EXOC4: variants seen among roughly 807,000 people sequenced by gnomAD.
EXOC4 encodes the protein exocyst complex component 4.
A neutral mutation model predicts 107.2 loss-of-function variants in EXOC4; 71 were observed. The ratio of observed to expected loss-of-function variants is 0.66; its 90% CI spans 0.55 to 0.81. The LOEUF (loss-of-function observed/expected upper bound fraction) is 0.81, where lower values mean the gene tolerates loss of function less well. EXOC4 is among the 30% of genes least tolerant of loss of function. The probability of loss-of-function intolerance (pLI) is 0.00; values close to 1 mark genes in which losing one functional copy is unlikely to be tolerated. For synonymous variants in EXOC4, 456 were observed against 441.2 expected, an observed-to-expected ratio of 1.03 and a Z score of -0.42; for missense variants, 1,108 against 1,189.6, an observed-to-expected ratio of 0.93 and a Z score of 1.01.
intron 10 of EXOC4, among the ~76,000 whole-genome samples, chr7:133,743,397 TA>T (rs1322137075): frequency 1.3e-5 from 2 of 152,164 alleles, no homozygotes; most frequent in African/African-American, 4.8e-5. Flanking sequence ...TTTAGAGCAG[TA>T]AAAGGGGCTT....
intron 11 of EXOC4, among the ~76,000 whole-genome samples, chr7:133,821,738 T>G (rs2151221658): frequency 6.6e-6 from 1 of 152,326 alleles, no homozygotes; most frequent in South Asian, 2.1e-4. Flanking sequence ...TTTACCCCAG[T>G]GCCTAAAGCA....
At chr7:133,558,711 A>G (rs1489710878) in intron 9 of EXOC4, among the ~76,000 whole-genome samples, 1 of 152,092 alleles carries the variant, frequency 6.6e-6, no homozygotes, top group African/African-American at 2.4e-5. Context: ...AGGATATGAC[A>G]TAGATATAAA....
At chr7:134,030,678 G>GC (rs1214189221) in intron 17 of EXOC4, among the ~76,000 whole-genome samples, 5 of 50,198 alleles carry the variant, frequency 1.0e-4, no homozygotes, top group African/African-American at 2.5e-4. Flanking sequence ...CCCCCCCTCT[G>GC]CCCCCCCAGC....
At chr7:133,564,448 A>T (rs1002321533) in intron 9 of EXOC4, among the ~76,000 whole-genome samples, 1 of 152,170 alleles carries the variant, frequency 6.6e-6, no homozygotes, top group East Asian at 1.9e-4. Flanking sequence ...ATTTTTCTAC[A>T]TGAGAGCTGG....
At chr7:133,674,202 C>T (rs1794007168) in intron 10 of EXOC4, among the ~76,000 whole-genome samples, 1 of 152,062 alleles carries the variant, frequency 6.6e-6, no homozygotes, top group South Asian at 2.1e-4. Flanking sequence ...AAAAGCTATA[C>T]CAAAAGCAAT....
At chr7:134,018,493 A>C (rs939315944) in intron 17 of EXOC4, among the ~76,000 whole-genome samples, 2 of 152,176 alleles carry the variant, frequency 1.3e-5, no homozygotes, top group Admixed American at 1.3e-4. Context: ...ACAGAAAAAG[A>C]TCAGAGTACT....
Position 133,694,589 on chromosome 7 carries a change from T to A in EXOC4, c.1514+64448T>A, listed in dbSNP as rs563058232. On this transcript the variant is annotated intron_variant, in intron 10 of 17. Transcript: ENST00000253861. ...TCTCATTTCATTTATTTTTATTTTT[T>A]AAATTGTTACATAATGTGCATATTT... is the stretch of plus-strand genomic sequence containing the variant. 2.0e-5 allele frequency among the ~76,000 whole-genome samples: 3 copies of A among 152,336 alleles called. No individual in the cohort carries two copies. In the East Asian group the frequency reaches 5.8e-4, roughly 29 times the overall value.
At chr7:133,471,984 A>C (rs1347497982) in intron 7 of EXOC4, among the ~76,000 whole-genome samples, 2 of 152,190 alleles carry the variant, frequency 1.3e-5, no homozygotes, top group Non-Finnish European at 2.9e-5. Context: ...AAACACTGGA[A>C]TTATTCTTGG....
At chr7:133,704,833 G>A (rs1794734579) in intron 10 of EXOC4, among the ~76,000 whole-genome samples, 1 of 152,148 alleles carries the variant, frequency 6.6e-6, no homozygotes, top group Non-Finnish European at 1.5e-5. Context: ...TTCCACTTGT[G>A]GCATCAGGTG....
At chr7:133,830,004 T>TA (rs1486538200) in intron 11 of EXOC4, among the ~76,000 whole-genome samples, 1 of 152,196 alleles carries the variant, frequency 6.6e-6, no homozygotes, top group Non-Finnish European at 1.5e-5. Context: ...CCTTTATAGT[T>TA]ACAGCTATTC....
intron 14 of EXOC4, among the ~76,000 whole-genome samples, chr7:133,952,758 T>C (rs1800722405): frequency 6.6e-6 from 1 of 152,242 alleles, no homozygotes; most frequent in South Asian, 2.1e-4. Context: ...TGTTGTTTTG[T>C]GACTGACTTG....
chr7:133,455,478 A>G (rs1348577915), intron 7 of EXOC4, among the ~76,000 whole-genome samples: 2 of 152,330 alleles, frequency 1.3e-5, no homozygotes, highest in Middle Eastern at 3.4e-3. Flanking sequence ...GAATACCACC[A>G]TCTAGATTTT....
chr7:133,303,133 C>G (rs1303537054), intron 3 of EXOC4, among the ~76,000 whole-genome samples: 1 of 152,142 alleles, frequency 6.6e-6, no homozygotes. Context: ...CTCCTTAAAA[C>G]CAGATAAGAT....
In EXOC4 at chr7:133,594,459, G is replaced by A. The variant is rs186846805; in HGVS notation, c.1418-35586G>A. 1.4e-3 allele frequency among the ~76,000 whole-genome samples: 201 copies of A among 146,420 alleles called. 2 individuals carry two copies. Among genetic ancestry groups the A allele is most frequent in the African/African-American group, 4.9e-3 (193 of 39,782 alleles). ...TCATGGAGGTTACATTTGTTATGGA[G>A]AGTTGATGAGACAAGAAATACATAA... is the stretch of plus-strand genomic sequence containing the variant. On this transcript the variant is annotated intron_variant, in intron 9 of 17. Transcript: ENST00000253861.
chr7:133,821,458 G>A (rs572518547), intron 11 of EXOC4, among the ~76,000 whole-genome samples: 2 of 152,306 alleles, frequency 1.3e-5, no homozygotes, highest in Non-Finnish European at 2.9e-5. Context: ...GAGACGTAGA[G>A]AATTTAGGAG....
chr7:133,555,482 A>G (rs566809792), intron 9 of EXOC4, among the ~76,000 whole-genome samples: 7 of 152,344 alleles, frequency 4.6e-5, no homozygotes, highest in African/African-American at 1.7e-4. Context: ...CACAGACAGA[A>G]AGAGCACAGA....
intron 8 of EXOC4, among the ~76,000 whole-genome samples, chr7:133,476,777 GTTACTATCTCACGTAACAAGGAT>G (rs1199702878): frequency 9.2e-5 from 14 of 152,188 alleles, no homozygotes; most frequent in Admixed American, 3.9e-4. Context: ...CTATAGGAAA[GTTACTATCTCACGTAACAAGGAT>G]GAATGTGGAG....
intron 14 of EXOC4, among the ~76,000 whole-genome samples, chr7:133,971,363 G>A (rs191092319): frequency 1.8e-5 from 1 of 55,172 alleles, no homozygotes; most frequent in Non-Finnish European, 3.0e-5. Flanking sequence ...TATATATATA[G>A]AGAGAGAGAG....
At chr7:133,584,979 T>A (rs1455050258) in intron 9 of EXOC4, among the ~76,000 whole-genome samples, 1 of 152,204 alleles carries the variant, frequency 6.6e-6, no homozygotes, top group Non-Finnish European at 1.5e-5. Context: ...AAAATACAGA[T>A]CCTGGCATTC....
Sources: gnomAD v4.1 joint callset for allele counts (sites outside exome capture counted in the v4.1 genomes callset) on GRCh38, gnomAD v4.1.1 for gene constraint, MANE v1.5 for transcripts, NCBI Gene and HGNC (gene_info 2026-07-23, HGNC 2026-07-21) for gene names.